Variants in EPHA8 observed in about 807,000 individuals in gnomAD.
EPHA8 encodes ephrin type-A receptor 8.
In EPHA8, 58 loss-of-function variants were observed where a neutral mutation model predicts 103.6. The observed-to-expected ratio is 0.56, with a 90% CI of 0.45 to 0.70. EPHA8 has a LOEUF of 0.70. Among genes scored for constraint, EPHA8 ranks in the 30% least tolerant of loss-of-function variants. The probability of loss-of-function intolerance (pLI) is 0.00; values close to 1 mark genes in which losing one functional copy is unlikely to be tolerated. For missense variants in EPHA8, 1,304 were observed against 1,395.2 expected (o/e 0.93, Z 1.04); for synonymous variants, 559 against 572.5 (o/e 0.98, Z 0.34).
chr1:22,578,069 G>C (rs916276078), intron 3 of EPHA8, among the ~76,000 whole-genome samples: 13 of 33,626 alleles, frequency 3.9e-4, no homozygotes, highest in Middle Eastern at 0.034. Context: ...GTGTGCATGA[G>C]TATGTATGCA....
intron 3 of EPHA8, among the ~76,000 whole-genome samples, chr1:22,584,727 T>C (rs1641141332): frequency 6.6e-6 from 1 of 152,158 alleles, no homozygotes; most frequent in South Asian, 2.1e-4. Context: ...GCTGCCTGGC[T>C]GGGTGGCATT....
chr1:22,594,322 G>A (rs879668802), intron 7 of EPHA8, among the ~76,000 whole-genome samples: 1 of 152,218 alleles, frequency 6.6e-6, no homozygotes, highest in Admixed American at 6.5e-5. Context: ...ACGGTCGCTC[G>A]CCTGAGGCGG....
At chr1:22,584,258 G>A (rs1368191603) in intron 3 of EPHA8, among the ~76,000 whole-genome samples, 3 of 152,206 alleles carry the variant, frequency 2.0e-5, no homozygotes, top group African/African-American at 4.8e-5. Flanking sequence ...GAGGAGGCGA[G>A]ATCACAGTGT....
chr1:22,596,391 C>T (rs996660621), intron 9 of EPHA8, among the ~76,000 whole-genome samples: 3 of 152,196 alleles, frequency 2.0e-5, no homozygotes, highest in Non-Finnish European at 2.9e-5. Context: ...GCTAGAGATC[C>T]TCTCCCCAGG....
In EPHA8 at chr1:22,601,102, A is replaced by T; in HGVS notation, c.2729+14A>T. ...CACAGTCAGCAGGTGCCTTGTGCCC[A>T]CCCCAGCTCCTTGAGGCCCAGCTGC... On this transcript the variant is annotated intron_variant, in intron 15 of 16. Coordinates refer to ENST00000166244, the MANE Select transcript of EPHA8 (RefSeq NM_020526.5). 6.3e-7 allele frequency: 1 copy of T among 1,592,338 alleles called. No homozygotes were observed. Among genetic ancestry groups the T allele is most frequent in the Non-Finnish European group, 8.6e-7 (1 of 1,168,918 alleles).
At chr1:22,584,231 C>T (rs892667390) in intron 3 of EPHA8, among the ~76,000 whole-genome samples, 3 of 152,138 alleles carry the variant, frequency 2.0e-5, no homozygotes, top group African/African-American at 4.8e-5. Flanking sequence ...CTGAGCCTCC[C>T]GGGGGGCTTC....
chr1:22,597,724 G>T lies in EPHA8; in HGVS notation c.1979G>T (p.Arg660Leu). 1.2e-6 allele frequency: 2 copies of T among 1,612,904 alleles called. No individual in the cohort carries two copies. The highest frequency in any genetic ancestry group is 1.7e-6 in the Non-Finnish European group (2 of 1,179,876). ...CYGRLRVPGQ[R>L]DVPVAIKALK... ...GGGAGGCTGCGGGTGCCAGGGCAGC[G>T]GGATGTGCCCGTGGCCATCAAGGCC... Residue 660 changes from arginine to leucine, a missense_variant, in exon 11 of 17, where the codon CGG (arginine) becomes CTG (leucine). Coordinates refer to ENST00000166244, the MANE Select transcript of EPHA8 (RefSeq NM_020526.5). The surrounding 1 kb of genome is among the most constrained non-coding windows in gnomAD (Gnocchi z 4.6).
At position 22,597,602 on chromosome 1, in the gene EPHA8, A is replaced by G. The variant is rs2148265782; in HGVS notation, c.1931-74A>G. Reference sequence around the variant, plus strand: ...GGGTCTGGCAAGCCCAGGGGGTCCAAGGGCCTGGGAGGCTGGGGGAGTCTG... The same window carrying G: ...GGGTCTGGCAAGCCCAGGGGGTCCAGGGGCCTGGGAGGCTGGGGGAGTCTG... On this transcript the variant is annotated intron_variant, in intron 10 of 16. Coordinates refer to ENST00000166244, the MANE Select transcript of EPHA8 (RefSeq NM_020526.5). This position sits in a 1 kb window ranked among gnomAD's most constrained non-coding sequence, Gnocchi z 4.6. The G allele has an allele frequency of 6.5e-7, 1 of 1,548,008 alleles. No individual in the cohort carries two copies. Among genetic ancestry groups the G allele is most frequent in the Non-Finnish European group, 8.7e-7 (1 of 1,145,692 alleles).
rs775160955 is a variant in EPHA8, at chr1:22,589,170, C to G, written c.1279C>G (p.Arg427Gly). Residue 427 changes from arginine (R) to glycine (G), a missense_variant, in exon 5 of 17, where the codon CGG becomes GGG. Physicochemically the swap from Arg to Gly is moderately radical, Grantham distance 125 (BLOSUM62 -2). Transcript: ENST00000166244. The surrounding 1 kb of genome is among the most constrained non-coding windows in gnomAD (Gnocchi z 4.3). ...GVSDLSPEPR[R>G]AAVVNITTNQ... ...GTCCGACCTGAGCCCCGAGCCCCGC[C>G]GGGCCGCTGTGGTCAACATCACCAC... 17 of 1,613,812 alleles carry G rather than the reference C, an allele frequency of 1.1e-5. No individual in the cohort carries two copies. The South Asian group carries it at 1.8e-4, about 17-fold the overall frequency.
chr1:22,573,431 A>G (rs1340695036), intron 2 of EPHA8, among the ~76,000 whole-genome samples: 2 of 152,064 alleles, frequency 1.3e-5, no homozygotes, highest in Non-Finnish European at 2.9e-5. Flanking sequence ...TCAAGACGAG[A>G]TTAGATGGAG....
intron 3 of EPHA8, among the ~76,000 whole-genome samples, chr1:22,581,915 C>T (rs566766939): frequency 9.2e-5 from 14 of 152,324 alleles, no homozygotes; most frequent in African/African-American, 3.4e-4. Context: ...GCTGCGTAAC[C>T]TCATTTGGGA....
chr1:22,578,869 A>C (rs1380722488), intron 3 of EPHA8, among the ~76,000 whole-genome samples: 1 of 140,040 alleles, frequency 7.1e-6, no homozygotes, highest in South Asian at 2.5e-4. Flanking sequence ...GTGTATATGC[A>C]CGTGTCCGTG....
Position 22,597,307 on chromosome 1 carries a change from C to T in EPHA8, c.1766-5C>T, listed in dbSNP as rs958400334. 1.3e-6 allele frequency: 2 copies of T among 1,599,606 alleles called. No individual in the cohort carries two copies. Among genetic ancestry groups the T allele is most frequent in the Non-Finnish European group, 1.7e-6 (2 of 1,170,470 alleles). Reference sequence around the variant, plus strand: ...CCCACTGAAGGCCCTCCTCCCGCCCCTCAGCACCCCCACCTGTCTTCCTGC... The same window carrying T: ...CCCACTGAAGGCCCTCCTCCCGCCCTTCAGCACCCCCACCTGTCTTCCTGC... On this transcript the variant is annotated splice_region_variant and splice_polypyrimidine_tract_variant and intron_variant, in intron 9 of 16. Transcript: ENST00000166244. The surrounding 1 kb of genome is among the most constrained non-coding windows in gnomAD (Gnocchi z 4.6).
At position 22,569,695 on chromosome 1, in the gene EPHA8, C is replaced by T. The variant is rs1640468320; in HGVS notation, c.159+342C>T. On this transcript the variant is annotated intron_variant, in intron 2 of 16. Coordinates refer to ENST00000166244, the MANE Select transcript of EPHA8 (RefSeq NM_020526.5). This position sits in a 1 kb window ranked among gnomAD's most constrained non-coding sequence, Gnocchi z 4.5. The stretch of plus-strand genomic sequence containing the variant: ...TCCTGCCTTCTGGGTTGCTCCCTCC[C>T]TCCCAGCTGCCCTGGCCTCACCAGT... Among the ~76,000 whole-genome samples the T allele has an allele frequency of 6.6e-6, 1 of 152,194 alleles. No individual in the cohort carries two copies. Among genetic ancestry groups the T allele is most frequent in the African/African-American group, 2.4e-5 (1 of 41,458 alleles).
In EPHA8 at chr1:22,600,830, A is replaced by G. The variant is rs182919073; in HGVS notation, c.2538+20A>G. ...CGGGATGTGAGTGCCAAGCCCTGGC[A>G]GGTCCGCGGGCGGTGGAGCCTCAGG... On this transcript the variant is annotated intron_variant, in intron 14 of 16. Coordinates refer to ENST00000166244, the MANE Select transcript of EPHA8 (RefSeq NM_020526.5). 2,789 of 1,595,236 alleles carry G rather than the reference A, an allele frequency of 1.7e-3. 7 individuals are homozygous for G. The highest frequency in any genetic ancestry group is 2.1e-3 in the Non-Finnish European group (2,452 of 1,169,176).
Position 22,593,617 on chromosome 1 carries a change from G to A in EPHA8, c.1534G>A (p.Val512Ile), listed in dbSNP as rs756044795. Residue 512 changes from valine to isoleucine, a missense_variant, in exon 7 of 17, where the codon GTC (valine) becomes ATC (isoleucine). Coordinates refer to ENST00000166244, the MANE Select transcript of EPHA8 (RefSeq NM_020526.5). ...GCCGGGCACCCGCTACGTGTTCCAG[G>A]TCCGAGCCCGCACCTCAGCAGGCTG... ...LKPGTRYVFQ[V>I]RARTSAGCGR... 1 of 1,609,852 alleles carries A rather than the reference G, an allele frequency of 6.2e-7. No individual in the cohort carries two copies. Among genetic ancestry groups the A allele is most frequent in the Non-Finnish European group, 8.5e-7 (1 of 1,178,590 alleles).
chr1:22,597,622 A>C lies in EPHA8; in HGVS notation c.1931-54A>C. 6.4e-7 allele frequency: 1 copy of C among 1,555,068 alleles called. No individual in the cohort carries two copies. The highest frequency in any genetic ancestry group is 8.7e-7 in the Non-Finnish European group (1 of 1,149,046). On this transcript the variant is annotated intron_variant, in intron 10 of 16. Transcript: ENST00000166244. This position sits in a 1 kb window ranked among gnomAD's most constrained non-coding sequence, Gnocchi z 4.6. ...GTCCAAGGGCCTGGGAGGCTGGGGGAGTCTGAGGGTCCCACTGCCCTCCCT... is the reference window on the plus strand; with the variant it reads ...GTCCAAGGGCCTGGGAGGCTGGGGGCGTCTGAGGGTCCCACTGCCCTCCCT...
chr1:22,586,403 G>A (rs1641207947), intron 3 of EPHA8, 77 bp from the exon 4 acceptor site: 1 of 1,535,966 alleles, frequency 6.5e-7, no homozygotes, highest in South Asian at 1.2e-5. Context: ...GGAAGCTGTG[G>A]GCCACAGTGT....
intron 3 of EPHA8, among the ~76,000 whole-genome samples, chr1:22,578,512 G>C (rs540497506): frequency 7.6e-6 from 1 of 131,364 alleles, no homozygotes; most frequent in African/African-American, 2.9e-5. Context: ...GTGCATTAGT[G>C]TATTATGCAT....
Sources: allele counts gnomAD v4.1 joint callset (sites outside exome capture counted in the v4.1 genomes callset), GRCh38; gene constraint gnomAD v4.1.1; non-coding constraint Gnocchi (gnomAD v3.1); transcripts MANE v1.5; gene names NCBI Gene and HGNC (gene_info 2026-07-23, HGNC 2026-07-21).